The following WHRN variants were observed in gnomAD, a reference collection of about 807,000 sequenced individuals.
The protein encoded by WHRN is CASK-interacting protein CIP98.
Under a neutral mutation model 68.3 loss-of-function variants are expected in WHRN, and 41 were observed. The observed-to-expected ratio is 0.60, with a 90% confidence interval of 0.47 to 0.78. The LOEUF (loss-of-function observed/expected upper bound fraction) is 0.78, where lower values mean the gene tolerates loss of function less well. WHRN is among the 30% of genes least tolerant of loss of function. The probability of loss-of-function intolerance (pLI) is 0.00; values close to 1 mark genes in which losing one functional copy is unlikely to be tolerated. For missense variants in WHRN, 1,243 were observed against 1,244.7 expected, an observed-to-expected ratio of 1.00 and a Z score of 0.02; for synonymous variants, 560 against 561.3, an observed-to-expected ratio of 1.00 and a Z score of 0.03.
chr9:114,423,314 C>T lies in WHRN; in HGVS notation c.1626G>A (p.Arg542=). The T allele has an allele frequency of 6.2e-7, 1 of 1,613,882 alleles. No individual in the cohort carries two copies. Among genetic ancestry groups the T allele is most frequent in the South Asian group, 1.1e-5 (1 of 91,066 alleles). The part of the protein sequence containing the change: ...HGTSTTVSSA[R]NTLDLEETGE... ...CAGGGACAAGGCAGAAGAAGCTCACCCTGGCCGAGCTGACGGTGGTGGAGG... is the reference window on the plus strand; with the variant it reads ...CAGGGACAAGGCAGAAGAAGCTCACTCTGGCCGAGCTGACGGTGGTGGAGG... Residue 542 remains arginine (R), a splice_region_variant and synonymous_variant, in exon 7 of 12, where the codon AGG becomes AGA. Coordinates refer to ENST00000362057, the MANE Select transcript of WHRN (RefSeq NM_015404.4).
intron 3 of WHRN, among the ~76,000 whole-genome samples, chr9:114,433,842 CGGCAAG>C (rs1268591073): frequency 6.6e-6 from 1 of 152,148 alleles, no homozygotes; most frequent in Non-Finnish European, 1.5e-5. Flanking sequence ...TGGATGGACC[CGGCAAG>C]GCTAATGCAC....
rs543431891 is a variant in WHRN, at chr9:114,468,436, T to G, written c.838-2044A>C. ...TCTCTGGGACCCTATCTGGGACCACTGCTTGGGAACAAAAAGCGGTGGCTT... is the reference window on the plus strand; with the variant it reads ...TCTCTGGGACCCTATCTGGGACCACGGCTTGGGAACAAAAAGCGGTGGCTT... On this transcript the variant is annotated intron_variant, in intron 2 of 11. Coordinates refer to ENST00000362057, the MANE Select transcript of WHRN (RefSeq NM_015404.4). Among the ~76,000 whole-genome samples the G allele has an allele frequency of 5.3e-5, 8 of 152,248 alleles. No homozygotes were observed. In the South Asian group the frequency reaches 1.7e-3, roughly 32 times the overall value.
intron 1 of WHRN, among the ~76,000 whole-genome samples, chr9:114,489,475 C>T (rs1306542284): frequency 4.1e-5 from 6 of 144,840 alleles, no homozygotes; most frequent in Non-Finnish European, 9.0e-5. Flanking sequence ...CACACACACA[C>T]ACACGCACAC....
intron 3 of WHRN, among the ~76,000 whole-genome samples, chr9:114,443,824 T>C (rs1395140607): frequency 6.6e-6 from 1 of 151,966 alleles, no homozygotes; most frequent in East Asian, 1.9e-4. Context: ...TACCCAAGAC[T>C]GCATAATTTA....
intron 9 of WHRN, among the ~76,000 whole-genome samples, chr9:114,405,070 C>CTTTT (rs34172199): frequency 9.2e-6 from 1 of 109,204 alleles, no homozygotes; most frequent in Non-Finnish European, 1.8e-5. Flanking sequence ...CTCTCTCTCT[C>CTTTT]TTTTTTTTTT....
chr9:114,504,759 TGGA>T lies in WHRN; in HGVS notation c.40_42del (p.Ser14del). 1 of 1,505,524 alleles carries T rather than the reference TGGA, an allele frequency of 6.6e-7. No individual in the cohort carries two copies. The highest frequency in any genetic ancestry group is 8.8e-7 in the Non-Finnish European group (1 of 1,137,044). The allele number at this position is 1,505,524 out of a possible 1,614,324, so 93.3% of individuals were successfully genotyped here. A position where few individuals can be genotyped will look rare whatever the true frequency, so the allele number is the denominator to read the frequency against. ...CCGGCCGCCGAGCCCAGCGAGCCGGTGGAGGACGAGCTCACCGACAGGCCGTCC... is the reference window on the plus strand; with the variant it reads ...CCGGCCGCCGAGCCCAGCGAGCCGGTGGACGAGCTCACCGACAGGCCGTCC... On this transcript the variant is annotated inframe_deletion, in exon 1 of 12. Coordinates refer to ENST00000362057, the MANE Select transcript of WHRN (RefSeq NM_015404.4).
chr9:114,436,916 T>C (rs906113407), intron 3 of WHRN, among the ~76,000 whole-genome samples: 4 of 151,926 alleles, frequency 2.6e-5, no homozygotes, highest in Admixed American at 1.3e-4. Flanking sequence ...AAAAAACTTT[T>C]TGCTATTTAA....
intron 1 of WHRN, among the ~76,000 whole-genome samples, chr9:114,481,244 G>A (rs1842071511): frequency 1.3e-5 from 2 of 152,216 alleles, no homozygotes; most frequent in Admixed American, 1.3e-4. Flanking sequence ...GAGGAAGGGT[G>A]AGCCAGGAGG....
intron 1 of WHRN, among the ~76,000 whole-genome samples, chr9:114,481,968 A>T (rs923340224): frequency 3.4e-4 from 52 of 152,076 alleles, no homozygotes; most frequent in African/African-American, 1.3e-3. Flanking sequence ...TTCATGACAC[A>T]CGCCTGGTGA....
At chr9:114,413,958 G>T (rs530752563) in intron 7 of WHRN, among the ~76,000 whole-genome samples, 3 of 95,836 alleles carry the variant, frequency 3.1e-5, no homozygotes, top group East Asian at 5.1e-4. Flanking sequence ...TCAGTGGAAA[G>T]AGAGAGTGAC....
At chr9:114,416,161 G>A (rs1352604175) in intron 7 of WHRN, among the ~76,000 whole-genome samples, 1 of 152,214 alleles carries the variant, frequency 6.6e-6, no homozygotes, top group Admixed American at 6.5e-5. Flanking sequence ...CTTGGGCAGG[G>A]GCTGGGAGCC....
At chr9:114,472,061 G>A (rs951425595) in intron 2 of WHRN, among the ~76,000 whole-genome samples, 2 of 152,214 alleles carry the variant, frequency 1.3e-5, no homozygotes, top group African/African-American at 4.8e-5. Context: ...GAATGTGTGT[G>A]CTCCTAAAAT....
At chr9:114,405,366 G>A (rs1193395021) in intron 9 of WHRN, among the ~76,000 whole-genome samples, 1 of 152,130 alleles carries the variant, frequency 6.6e-6, no homozygotes, top group South Asian at 2.1e-4. Context: ...ATGAGCCACT[G>A]CACCTAGCCA....
intron 9 of WHRN, 102 bp from the exon 10 acceptor site, chr9:114,404,179 T>G: frequency 1.6e-6 from 2 of 1,265,890 alleles, no homozygotes; most frequent in Non-Finnish European, 2.2e-6. Context: ...GCTGGGGGAA[T>G]TCCCCAGGCA....
chr9:114,463,737 T>C (rs1351604012), intron 3 of WHRN, among the ~76,000 whole-genome samples: 1 of 152,178 alleles, frequency 6.6e-6, no homozygotes, highest in Non-Finnish European at 1.5e-5. Context: ...TATCAGATTA[T>C]TTCCCCCTGG....
intron 7 of WHRN, among the ~76,000 whole-genome samples, chr9:114,422,963 G>C (rs1214820577): frequency 6.6e-6 from 1 of 152,140 alleles, no homozygotes; most frequent in Non-Finnish European, 1.5e-5. Context: ...GCGGGAGTGG[G>C]CACCATGCCA....
At chr9:114,491,771 C>A in intron 1 of WHRN, 1 of 271,920 alleles carries the variant, frequency 3.7e-6, no homozygotes, top group South Asian at 9.0e-5. Flanking sequence ...ACCCTCCCGC[C>A]CTTTGCCTGA....
intron 3 of WHRN, among the ~76,000 whole-genome samples, chr9:114,453,023 T>C (rs1839472005): frequency 6.6e-6 from 1 of 152,176 alleles, no homozygotes; most frequent in South Asian, 2.1e-4. Flanking sequence ...TGTTTCTTCA[T>C]GGAGGAAGGG....
intron 3 of WHRN, among the ~76,000 whole-genome samples, chr9:114,447,782 GTC>G (rs879546513): frequency 6.6e-6 from 1 of 151,400 alleles, no homozygotes; most frequent in African/African-American, 2.4e-5. Flanking sequence ...CTTTCTCTCT[GTC>G]TCTCTCTCTC....
Sources: allele counts gnomAD v4.1 joint callset (sites outside exome capture counted in the v4.1 genomes callset), GRCh38; gene constraint gnomAD v4.1.1; transcripts MANE v1.5; gene names NCBI Gene and HGNC (gene_info 2026-07-23, HGNC 2026-07-21).